Variants in XPO1 observed in about 807,000 individuals in gnomAD.
The protein encoded by XPO1 is exportin-1.
In XPO1, 5 loss-of-function variants were observed where a neutral mutation model predicts 133.3. That is an observed-to-expected ratio of 0.04 (90% confidence interval 0.02 to 0.08). The LOEUF is 0.08. Ranked by LOEUF, XPO1 falls within the 10% of genes least tolerant of loss-of-function variation. The pLI, the probability that XPO1 is intolerant of heterozygous loss-of-function variation, is 1.00. For missense variants in XPO1, 506 were observed against 1,267.5 expected (o/e 0.40, Z 9.12); for synonymous variants, 419 against 408.2 (o/e 1.03, Z -0.32).
chr2:61,498,915 TA>T lies in XPO1; in HGVS notation c.591-3del, dbSNP rs372688892. 10,960 of 1,111,968 alleles carry T rather than the reference TA, an allele frequency of 9.9e-3. 1 individual carries two copies. The highest frequency in any genetic ancestry group is 0.023 in the Admixed American group (913 of 39,504). The allele number at this position is 1,111,968 out of a possible 1,614,324, so 68.9% of individuals were successfully genotyped here. On this transcript the variant is annotated splice_polypyrimidine_tract_variant and splice_region_variant and intron_variant, in intron 7 of 24. Coordinates refer to ENST00000401558, the MANE Select transcript of XPO1 (RefSeq NM_003400.4). ...ATCTGTGAGAATTCATTGCACATGCTAAAAAAAAAAACACACAAAAATATCA... is the reference window on the plus strand; with the variant it reads ...ATCTGTGAGAATTCATTGCACATGCTAAAAAAAAAACACACAAAAATATCA...
Position 61,492,097 on chromosome 2 carries a change from G to C in XPO1, c.1825C>G (p.Pro609Ala). ...TTGTTCAAAATTTCATCAATAAATG[G>C]CATCACTTCTCCAACCTGAACCTGA... ...FVQVQVGEVMPFIDEILNNIN... is the reference protein window; with the variant it reads ...FVQVQVGEVMAFIDEILNNIN... Residue 609 changes from proline (P) to alanine (A), a missense_variant, in exon 16 of 25, where the codon CCA (proline) becomes GCA (alanine). By Grantham distance (27) the Pro-to-Ala change is conservative. This residue lies in a region of XPO1 where 60 missense variants were observed against 211.0 expected (regional missense o/e 0.28). Coordinates refer to ENST00000401558, the MANE Select transcript of XPO1 (RefSeq NM_003400.4). The surrounding 1 kb of genome is among the most constrained non-coding windows in gnomAD (Gnocchi z 5.6). 6.2e-7 allele frequency: 1 copy of C among 1,614,066 alleles called. No homozygotes were observed. The highest frequency in any genetic ancestry group is 8.5e-7 in the Non-Finnish European group (1 of 1,180,030).
At chr2:61,501,231 T>C (rs1460975560) in intron 6 of XPO1, among the ~76,000 whole-genome samples, 1 of 152,182 alleles carries the variant, frequency 6.6e-6, no homozygotes, top group South Asian at 2.1e-4. Flanking sequence ...TTACTGTTTT[T>C]TCCCCCACAC....
chr2:61,529,458 C>A (rs572578726), intron 2 of XPO1, among the ~76,000 whole-genome samples: 63 of 152,262 alleles, frequency 4.1e-4, no homozygotes, highest in African/African-American at 1.4e-3. Context: ...AAGTTCAAGA[C>A]CAGCCTGGCC....
Position 61,498,915 on chromosome 2 carries a change from T to TAAA in XPO1, c.591-5_591-3dup. On this transcript the variant is annotated splice_polypyrimidine_tract_variant and splice_region_variant and intron_variant, in intron 7 of 24. Coordinates refer to ENST00000401558, the MANE Select transcript of XPO1 (RefSeq NM_003400.4). The stretch of plus-strand genomic sequence containing the variant: ...ATCTGTGAGAATTCATTGCACATGC[T>TAAA]AAAAAAAAAAACACACAAAAATATC... 8.2e-7 allele frequency: 1 copy of TAAA among 1,222,760 alleles called. No individual in the cohort carries two copies. The highest frequency in any genetic ancestry group is 2.4e-5 in the Admixed American group (1 of 42,524). The allele number at this position is 1,222,760 out of a possible 1,614,324, so 75.7% of individuals were successfully genotyped here.
In XPO1 at chr2:61,492,125, G is replaced by T; in HGVS notation, c.1797C>A (p.Phe599Leu). The T allele has an allele frequency of 6.2e-7, 1 of 1,614,152 alleles. No homozygotes were observed. Reference protein sequence around the residue: ...IKIAQKCRRHFVQVQVGEVMP... With the variant: ...IKIAQKCRRHLVQVQVGEVMP... ...TCACTTCTCCAACCTGAACCTGAAC[G>T]AAATGCCTGCGGCATTTTTGGGCTA... Residue 599 changes from phenylalanine (F) to leucine (L), a missense_variant, in exon 16 of 25, where the codon TTC becomes TTA. Around this residue, in one of 6 missense-constraint regions of XPO1, gnomAD observed 60 missense variants for 211.0 expected, o/e 0.28. Transcript: ENST00000401558. This position sits in a 1 kb window ranked among gnomAD's most constrained non-coding sequence, Gnocchi z 5.6.
intron 4 of XPO1, among the ~76,000 whole-genome samples, chr2:61,506,986 T>G (rs926025939): frequency 6.6e-6 from 1 of 151,834 alleles, no homozygotes; most frequent in Non-Finnish European, 1.5e-5. Context: ...TCCCAGCACT[T>G]TGGGAGGCCG....
intron 4 of XPO1, among the ~76,000 whole-genome samples, chr2:61,505,271 G>A (rs1697741289): frequency 6.6e-6 from 1 of 152,084 alleles, no homozygotes; most frequent in Admixed American, 6.6e-5. Context: ...GGGATTACAG[G>A]CCTGACCCAC....
At chr2:61,516,294 A>G (rs1698386368) in intron 4 of XPO1, among the ~76,000 whole-genome samples, 1 of 151,744 alleles carries the variant, frequency 6.6e-6, no homozygotes, top group Non-Finnish European at 1.5e-5. Context: ...AACAACAGCG[A>G]AACTCCGCCT....
intron 21 of XPO1, 151 bp downstream of exon 21, chr2:61,483,786 G>A (rs1402658633): frequency 4.7e-6 from 4 of 848,764 alleles, no homozygotes; most frequent in Middle Eastern, 3.5e-4. Context: ...TGGAACAGTT[G>A]ATTAAACTGC....
intron 17 of XPO1, among the ~76,000 whole-genome samples, 190 bp from the exon 18 acceptor site, chr2:61,488,961 G>A (rs1350938297): frequency 1.3e-5 from 2 of 152,102 alleles, no homozygotes; most frequent in Non-Finnish European, 2.9e-5. Context: ...AAATAGCCAG[G>A]CGTGGTGGCA....
Position 61,538,062 on chromosome 2 carries a change from G to T in XPO1, c.-507C>A, listed in dbSNP as rs1370580669. 1 of 64,574 alleles carries T rather than the reference G, an allele frequency of 1.5e-5. No individual in the cohort carries two copies. The highest frequency in any genetic ancestry group is 3.0e-5 in the Non-Finnish European group (1 of 33,114). The allele number at this position is 64,574 out of a possible 1,614,324, so 4.0% of individuals were successfully genotyped here. The stretch of plus-strand genomic sequence containing the variant: ...GCTGGCCCCCCCCCCCCCAAGGCTC[G>T]CCTAAACTTTCCCCCCTTCTCTTGT... On this transcript the variant is annotated 5_prime_UTR_variant, in exon 1 of 25. Transcript: ENST00000401558.
At chr2:61,499,194 T>C (rs1323318087) in intron 7 of XPO1, among the ~76,000 whole-genome samples, 1 of 152,206 alleles carries the variant, frequency 6.6e-6, no homozygotes, top group African/African-American at 2.4e-5. Flanking sequence ...TAGTTTTCTG[T>C]TTTGTTTTAA....
intron 2 of XPO1, among the ~76,000 whole-genome samples, chr2:61,532,859 A>G (rs1179080261): frequency 6.7e-6 from 1 of 148,826 alleles, no homozygotes; most frequent in African/African-American, 2.5e-5. Flanking sequence ...TTCTGACCCA[A>G]CTGCAAAACT....
At chr2:61,531,321 C>T (rs1326980007) in intron 2 of XPO1, among the ~76,000 whole-genome samples, 1 of 152,164 alleles carries the variant, frequency 6.6e-6, no homozygotes. Flanking sequence ...CAGACAAAAT[C>T]CTTTTACTTT....
intron 17 of XPO1, 104 bp from the exon 18 acceptor site, chr2:61,488,875 G>T: frequency 8.1e-7 from 1 of 1,236,872 alleles, no homozygotes; most frequent in Non-Finnish European, 1.1e-6. Context: ...GCCGAGGCGG[G>T]CGGATGATGA....
At chr2:61,515,140 T>C (rs545726004) in intron 4 of XPO1, among the ~76,000 whole-genome samples, 2 of 150,472 alleles carry the variant, frequency 1.3e-5, no homozygotes, top group East Asian at 2.0e-4. Context: ...AACAAGCACA[T>C]GTGAAGAGGG....
intron 7 of XPO1, 42 bp from the exon 8 acceptor site, chr2:61,498,955 C>T (rs1330692682): frequency 1.3e-6 from 2 of 1,529,756 alleles, no homozygotes; most frequent in South Asian, 1.2e-5. Context: ...TTAGAAGACA[C>T]AGAAATAAGT....
intron 6 of XPO1, 99 bp from the exon 7 acceptor site, chr2:61,499,993 A>C: frequency 8.4e-7 from 1 of 1,190,144 alleles, no homozygotes; most frequent in South Asian, 1.4e-5. Flanking sequence ...AGGAGTAAGG[A>C]TAAATCACTT....
At chr2:61,493,278 A>G (rs1219871606) in intron 12 of XPO1, 3 of 382,226 alleles carry the variant, frequency 7.8e-6, no homozygotes, top group African/African-American at 6.3e-5. Flanking sequence ...CCCAATCTCT[A>G]AAACAATAAA....
Sources: gnomAD v4.1 joint callset for allele counts (sites outside exome capture counted in the v4.1 genomes callset) on GRCh38, gnomAD v4.1.1 for gene constraint, gnomAD v4.1.1 regional missense constraint, Gnocchi (gnomAD v3.1) non-coding constraint, MANE v1.5 for transcripts, NCBI Gene and HGNC (gene_info 2026-07-23, HGNC 2026-07-21) for gene names.